ABCB1: variants seen among roughly 807,000 people sequenced by gnomAD.
ABCB1 encodes ATP-dependent translocase ABCB1.
In ABCB1, 69 loss-of-function variants were observed where a neutral mutation model predicts 142.0. That is an observed-to-expected ratio of 0.49 (90% CI 0.40 to 0.59). The LOEUF (loss-of-function observed/expected upper bound fraction) is 0.59, where lower values mean the gene tolerates loss of function less well. Ranked by LOEUF, ABCB1 falls within the 20% of genes least tolerant of loss-of-function variation. The probability of loss-of-function intolerance (pLI) is 0.00; values close to 1 mark genes in which losing one functional copy is unlikely to be tolerated. For missense variants in ABCB1, 1,326 were observed against 1,554.7 expected (o/e 0.85, Z 2.47); for synonymous variants, 532 against 539.2 (o/e 0.99, Z 0.18).
chr7:87,702,925 CCTAA>C (rs1829223676), intron 1 of ABCB1, among the ~76,000 whole-genome samples: 1 of 152,078 alleles, frequency 6.6e-6, no homozygotes. Flanking sequence ...GTTGAGTATA[CCTAA>C]CTAACTCAAC....
At chr7:87,685,049 A>G (rs1480989335) in intron 1 of ABCB1, among the ~76,000 whole-genome samples, 1 of 152,172 alleles carries the variant, frequency 6.6e-6, no homozygotes, top group Non-Finnish European at 1.5e-5. Flanking sequence ...TTTAGATATA[A>G]CAACAAAAGT....
intron 26 of ABCB1, among the ~76,000 whole-genome samples, chr7:87,507,789 C>T (rs1222768393): frequency 6.6e-6 from 1 of 152,134 alleles, no homozygotes; most frequent in Non-Finnish European, 1.5e-5. Flanking sequence ...AGGTAGATTA[C>T]CTAGGTTGAG....
In ABCB1 at chr7:87,504,529, A is replaced by C. The variant is rs561730767; in HGVS notation, c.3637-80T>G. ...CTTCCATAAAAAGCTCCACAGTAGG[A>C]CGGGCATGGTGGCTCACGCCTGTAA... is the stretch of plus-strand genomic sequence containing the variant. On this transcript the variant is annotated intron_variant, in intron 27 of 27. Transcript: ENST00000622132. The C allele has an allele frequency of 9.5e-4, 1,490 of 1,564,788 alleles. 4 individuals are homozygous for C. Among genetic ancestry groups the C allele is most frequent in the Non-Finnish European group, 1.1e-3 (1,313 of 1,151,510 alleles).
rs28746507 is a variant in ABCB1 at position 87,551,313 on chromosome 7, A to T, written c.1000-475T>A. Among the ~76,000 whole-genome samples, 41 of 152,324 alleles carry T rather than the reference A, an allele frequency of 2.7e-4. No individual in the cohort carries two copies. In the East Asian group the frequency reaches 7.5e-3, roughly 28 times the overall value. On this transcript the variant is annotated intron_variant, in intron 9 of 27. Transcript: ENST00000622132. ...ATCACAGGCATGGGCCACCACACCC[A>T]GCCAAGAGTAAATTTCAAATGTGTC...
chr7:87,542,680 A>T (rs1816594032), intron 17 of ABCB1, among the ~76,000 whole-genome samples: 2 of 150,654 alleles, frequency 1.3e-5, no homozygotes, highest in Non-Finnish European at 2.9e-5. Flanking sequence ...TTCTCTGATG[A>T]CACCACAGTC....
At chr7:87,646,103 A>C (rs1324829538) in intron 1 of ABCB1, among the ~76,000 whole-genome samples, 1 of 152,158 alleles carries the variant, frequency 6.6e-6, no homozygotes, top group Non-Finnish European at 1.5e-5. Context: ...TTAGCTGTTG[A>C]GTTTAAAGTA....
At chr7:87,550,146 G>A (rs1444042869) in intron 12 of ABCB1, 25 bp downstream of exon 12, 5 of 1,614,078 alleles carry the variant, frequency 3.1e-6, no homozygotes, top group East Asian at 2.2e-5. Context: ...TCACCGCAGG[G>A]TCTAGCTCGC....
chr7:87,551,504 A>T (rs1476871404), intron 9 of ABCB1, among the ~76,000 whole-genome samples: 7 of 152,056 alleles, frequency 4.6e-5, no homozygotes, highest in African/African-American at 1.7e-4. Context: ...TTTTTAAAAA[A>T]ATTTTAAGAC....
chr7:87,602,087 G>A (rs1240959825), upstream of ABCB1, among the ~76,000 whole-genome samples: 2 of 151,880 alleles, frequency 1.3e-5, no homozygotes, highest in African/African-American at 2.4e-5. Context: ...TCCGCCTCCC[G>A]GGTTCACACC....
intron 1 of ABCB1, among the ~76,000 whole-genome samples, chr7:87,619,221 T>C (rs1253139079): frequency 6.6e-6 from 1 of 152,034 alleles, no homozygotes; most frequent in Non-Finnish European, 1.5e-5. Context: ...ACTATCAAGG[T>C]CAATTATATA....
chr7:87,650,242 TAGTTTTTTC>T (rs1317749644), intron 1 of ABCB1, among the ~76,000 whole-genome samples: 6 of 152,178 alleles, frequency 3.9e-5, no homozygotes, highest in Admixed American at 2.6e-4. Context: ...TTCTGAGTCT[TAGTTTTTTC>T]AGTAGATACT....
intron 8 of ABCB1, among the ~76,000 whole-genome samples, chr7:87,555,854 A>G (rs1224436911): frequency 6.6e-6 from 1 of 152,200 alleles, no homozygotes; most frequent in Non-Finnish European, 1.5e-5. Context: ...TATGTACTAT[A>G]CTCTGTTATC....
intron 27 of ABCB1, 38 bp from the exon 28 acceptor site, chr7:87,504,487 T>C: frequency 6.2e-7 from 1 of 1,611,742 alleles, no homozygotes; most frequent in Non-Finnish European, 8.5e-7. Context: ...TCATAATAGT[T>C]CTTTTCCCTA....
chr7:87,647,833 T>G (rs1036967761), intron 1 of ABCB1, among the ~76,000 whole-genome samples: 2 of 151,934 alleles, frequency 1.3e-5, no homozygotes, highest in Admixed American at 1.3e-4. Context: ...CATCTGAAAA[T>G]GGATAATCAA....
chr7:87,596,898 G>T (rs1350013039), intron 2 of ABCB1, among the ~76,000 whole-genome samples: 1 of 152,040 alleles, frequency 6.6e-6, no homozygotes, highest in Non-Finnish European at 1.5e-5. Flanking sequence ...GAGAAAAATA[G>T]CCATAAATAG....
At chr7:87,532,712 G>T (rs1816110856) in intron 20 of ABCB1, among the ~76,000 whole-genome samples, 1 of 152,114 alleles carries the variant, frequency 6.6e-6, no homozygotes, top group Non-Finnish European at 1.5e-5. Context: ...AAGCAGCTGA[G>T]CATCCCATGC....
chr7:87,627,905 G>T lies in ABCB1; in HGVS notation c.-330-26827C>A, dbSNP rs539515503. On this transcript the variant is annotated intron_variant, in intron 1 of 28. Coordinates refer to the ABCB1 transcript ENST00000265724. ...GGCAAGAAATGTCGGCACTAGACGC[G>T]CCAAGAAGGAGATTCTACGAGCAAT... 5.9e-5 allele frequency: 9 copies of T among 152,438 alleles called. No homozygotes were observed. The East Asian group carries it at 1.7e-3, about 30-fold the overall frequency. The allele number at this position is 152,438 out of a possible 1,614,324, so 9.4% of individuals were successfully genotyped here.
intron 1 of ABCB1, among the ~76,000 whole-genome samples, chr7:87,651,755 T>C (rs536174404): frequency 6.6e-6 from 1 of 152,264 alleles, no homozygotes; most frequent in East Asian, 1.9e-4. Flanking sequence ...TTTTTGATGC[T>C]GAAAGCATCC....
intron 1 of ABCB1, among the ~76,000 whole-genome samples, chr7:87,675,895 A>G (rs1826305333): frequency 6.6e-6 from 1 of 152,138 alleles, no homozygotes; most frequent in Non-Finnish European, 1.5e-5. Context: ...CAACAAAGAA[A>G]AGATAAATAA....
Sources: allele counts gnomAD v4.1 joint callset (sites outside exome capture counted in the v4.1 genomes callset), GRCh38; gene constraint gnomAD v4.1.1; transcripts MANE v1.5; gene names NCBI Gene and HGNC (gene_info 2026-07-23, HGNC 2026-07-21).